EPHA6: variants seen among roughly 807,000 people sequenced by gnomAD.
EPHA6 encodes the protein ephrin type-A receptor 6.
In EPHA6, 50 loss-of-function variants were observed where a neutral mutation model predicts 112.0. That is an observed-to-expected ratio of 0.45 (90% CI 0.36 to 0.56). The LOEUF (loss-of-function observed/expected upper bound fraction) is 0.56, where lower values mean the gene tolerates loss of function less well. EPHA6 is among the 20% of genes least tolerant of loss of function. EPHA6 has a pLI of 0.00. For missense variants in EPHA6, 1,280 were observed against 1,417.4 expected (o/e 0.90, Z 1.56); for synonymous variants, 529 against 490.7 (o/e 1.08, Z -1.03).
At chr3:97,564,463 T>A (rs1349740782) in intron 11 of EPHA6, among the ~76,000 whole-genome samples, 1 of 152,172 alleles carries the variant, frequency 6.6e-6, no homozygotes, top group Non-Finnish European at 1.5e-5. Flanking sequence ...ACATTACACT[T>A]ATTTTTTTCT....
At chr3:97,651,293 A>G (rs1339227679) in intron 14 of EPHA6, among the ~76,000 whole-genome samples, 1 of 152,080 alleles carries the variant, frequency 6.6e-6, no homozygotes, top group East Asian at 1.9e-4. Context: ...GCAATGAAAA[A>G]TCTGCAATAG....
intron 2 of EPHA6, among the ~76,000 whole-genome samples, chr3:96,889,368 A>T (rs1238402245): frequency 6.6e-6 from 1 of 152,166 alleles, no homozygotes; most frequent in African/African-American, 2.4e-5. Context: ...GCTAATAAAG[A>T]CGTATCCGAG....
intron 13 of EPHA6, among the ~76,000 whole-genome samples, 158 bp downstream of exon 13, chr3:97,611,012 A>G (rs2093715319): frequency 6.6e-6 from 1 of 151,772 alleles, no homozygotes; most frequent in Admixed American, 6.6e-5. Context: ...ACTGTGATAC[A>G]TTAGAGTGTT....
chr3:97,183,392 G>A (rs769771555), intron 3 of EPHA6, among the ~76,000 whole-genome samples: 7 of 152,094 alleles, frequency 4.6e-5, no homozygotes, highest in Non-Finnish European at 8.8e-5. Context: ...ATTAGATAAT[G>A]TGATAGATTG....
Position 97,237,512 on chromosome 3 carries a change from A to C in EPHA6, c.1271-6440A>C, listed in dbSNP as rs112522339. Among the ~76,000 whole-genome samples the C allele has an allele frequency of 2.2e-3, 335 of 152,058 alleles. 2 individuals carry two copies. The highest frequency in any genetic ancestry group is 7.5e-3 in the African/African-American group (310 of 41,510). On this transcript the variant is annotated intron_variant, in intron 4 of 17. Coordinates refer to ENST00000389672, the MANE Select transcript of EPHA6 (RefSeq NM_001080448.3). ...GAGAATCGAGTTACCACTTGTTGCC[A>C]GTATGTCTTTATTCCTGACCTCTGC...
At chr3:97,441,462 C>T in intron 6 of EPHA6, 1 of 975,728 alleles carries the variant, frequency 1.0e-6, no homozygotes, top group Non-Finnish European at 1.2e-6. Flanking sequence ...AACTAGACAT[C>T]TGCCAAAAAT....
chr3:96,856,198 C>G (rs2035687070), intron 1 of EPHA6, among the ~76,000 whole-genome samples: 1 of 151,768 alleles, frequency 6.6e-6, no homozygotes, highest in African/African-American at 2.4e-5. Flanking sequence ...GGAGATCGCG[C>G]CACTGCACAT....
chr3:96,980,319 C>T (rs1303239992), intron 2 of EPHA6, among the ~76,000 whole-genome samples: 1 of 152,066 alleles, frequency 6.6e-6, no homozygotes, highest in Non-Finnish European at 1.5e-5. Context: ...ATCCTTTCCC[C>T]ATTTCTTGTT....
chr3:97,670,227 C>G (rs2030666476), intron 14 of EPHA6, among the ~76,000 whole-genome samples: 1 of 152,028 alleles, frequency 6.6e-6, no homozygotes, highest in Non-Finnish European at 1.5e-5. Flanking sequence ...ACATAAAACA[C>G]CATAAATACA....
intron 3 of EPHA6, among the ~76,000 whole-genome samples, chr3:97,006,587 G>C (rs976796472): frequency 1.3e-5 from 2 of 150,948 alleles, no homozygotes; most frequent in African/African-American, 4.9e-5. Context: ...TTGGAATGTT[G>C]TTCTTGTCTC....
chr3:96,843,322 C>T (rs2034864524), intron 1 of EPHA6, among the ~76,000 whole-genome samples: 2 of 151,812 alleles, frequency 1.3e-5, no homozygotes, highest in South Asian at 4.1e-4. Flanking sequence ...TGGTTTTTGG[C>T]TAGAAATGAA....
At chr3:97,622,012 T>C (rs1345738035) in intron 13 of EPHA6, among the ~76,000 whole-genome samples, 2 of 151,824 alleles carry the variant, frequency 1.3e-5, no homozygotes, top group African/African-American at 2.4e-5. Context: ...TAGACCAAAA[T>C]ATAAGAAAAA....
intron 2 of EPHA6, among the ~76,000 whole-genome samples, chr3:96,939,443 G>A (rs1202608966): frequency 6.6e-6 from 1 of 152,020 alleles, no homozygotes; most frequent in Non-Finnish European, 1.5e-5. Flanking sequence ...CTGTGGGATC[G>A]GTGGTAATAT....
At chr3:97,739,749 G>A (rs2035422392) in intron 16 of EPHA6, among the ~76,000 whole-genome samples, 1 of 152,044 alleles carries the variant, frequency 6.6e-6, no homozygotes, top group South Asian at 2.1e-4. Flanking sequence ...TACCATATAA[G>A]TGAATGTGGC....
At chr3:96,892,215 GT>G (rs1272704064) in intron 2 of EPHA6, among the ~76,000 whole-genome samples, 2 of 151,792 alleles carry the variant, frequency 1.3e-5, no homozygotes, top group East Asian at 3.9e-4. Flanking sequence ...ACATTATTTG[GT>G]TTTTTGTTCG....
intron 3 of EPHA6, among the ~76,000 whole-genome samples, chr3:97,016,127 G>A (rs1186792028): frequency 1.3e-5 from 2 of 151,306 alleles, no homozygotes; most frequent in South Asian, 2.1e-4. Flanking sequence ...GAAGATATGT[G>A]TCTTACCAAA....
At chr3:96,906,804 G>T (rs1375533185) in intron 2 of EPHA6, among the ~76,000 whole-genome samples, 1 of 151,946 alleles carries the variant, frequency 6.6e-6, no homozygotes. Context: ...AGGCAGTACA[G>T]AATTTGGTCC....
chr3:97,553,851 A>G (rs923237125), intron 11 of EPHA6, among the ~76,000 whole-genome samples: 1 of 152,156 alleles, frequency 6.6e-6, no homozygotes, highest in Admixed American at 6.6e-5. Context: ...AAGGAAGGTA[A>G]TTGATGTCTA....
In EPHA6 at chr3:97,394,213, T is replaced by G. The variant is rs138607067; in HGVS notation, c.1607-10937T>G. Among the ~76,000 whole-genome samples the G allele has an allele frequency of 3.0e-3, 453 of 151,818 alleles. 3 individuals are homozygous for G. Among genetic ancestry groups the G allele is most frequent in the African/African-American group, 0.011 (436 of 41,484 alleles). ...ATGACATTGCTGGGAAAACAAAATA[T>G]CCACATGCAGAAGAATGAAACTAGA... On this transcript the variant is annotated intron_variant, in intron 5 of 17. Coordinates refer to ENST00000389672, the MANE Select transcript of EPHA6 (RefSeq NM_001080448.3).
Sources: allele counts gnomAD v4.1 joint callset (sites outside exome capture counted in the v4.1 genomes callset), GRCh38; gene constraint gnomAD v4.1.1; transcripts MANE v1.5; gene names NCBI Gene and HGNC (gene_info 2026-07-23, HGNC 2026-07-21).